The following RCAN1 variants were observed in gnomAD, a reference collection of about 807,000 sequenced individuals.
RCAN1 encodes regulator of calcineurin 1.
RCAN1 carries 11 observed loss-of-function variants against 22.9 expected under a neutral mutation model. That is an observed-to-expected ratio of 0.48 (90% CI 0.30 to 0.79). RCAN1 has a LOEUF of 0.79. RCAN1 is among the 30% of genes least tolerant of loss of function. RCAN1 has a pLI of 0.06. For missense variants in RCAN1, 291 were observed against 337.8 expected, an observed-to-expected ratio of 0.86 and a Z score of 1.09; for synonymous variants, 136 against 142.3, an observed-to-expected ratio of 0.96 and a Z score of 0.32.
chr21:34,556,551 T>C (rs967718222), intron 1 of RCAN1, among the ~76,000 whole-genome samples: 1 of 151,984 alleles, frequency 6.6e-6, no homozygotes, highest in African/African-American at 2.4e-5. Flanking sequence ...TTCATACAAG[T>C]TGAAAATATG....
At chr21:34,577,093 G>A (rs1987432870) in intron 1 of RCAN1, among the ~76,000 whole-genome samples, 1 of 152,202 alleles carries the variant, frequency 6.6e-6, no homozygotes, top group Non-Finnish European at 1.5e-5. Context: ...CCATCCTACG[G>A]TGCCCTGTGT....
chr21:34,565,070 G>A (rs1227524525), intron 1 of RCAN1, among the ~76,000 whole-genome samples: 1 of 151,998 alleles, frequency 6.6e-6, no homozygotes, highest in East Asian at 1.9e-4. Context: ...AAACCAGTCA[G>A]GCATGGTGGC....
At chr21:34,557,223 A>G (rs58706193) in intron 1 of RCAN1, among the ~76,000 whole-genome samples, 36,702 of 152,012 alleles carry the variant, frequency 0.24, 5,163 homozygotes, top group African/African-American at 0.39. Flanking sequence ...GAAAAATAAA[A>G]TAAAATTAAA....
chr21:34,544,465 C>T (rs898195233), intron 1 of RCAN1, among the ~76,000 whole-genome samples: 8 of 152,170 alleles, frequency 5.3e-5, no homozygotes, highest in East Asian at 1.9e-4. Flanking sequence ...AGGAGAGAAC[C>T]GGTTCCAGCC....
chr21:34,521,350 G>A (rs1209121708), intron 3 of RCAN1, 149 bp downstream of exon 3: 3 of 1,520,918 alleles, frequency 2.0e-6, no homozygotes, highest in Non-Finnish European at 1.8e-6. Context: ...CAGCACAAGG[G>A]ACGGTGGCGC....
intron 1 of RCAN1, among the ~76,000 whole-genome samples, chr21:34,528,879 C>G (rs1372748346): frequency 6.6e-6 from 1 of 151,880 alleles, no homozygotes; most frequent in Non-Finnish European, 1.5e-5. Flanking sequence ...GTGGGCAAAT[C>G]TCAAACATCT....
chr21:34,519,474 G>C (rs920135260), intron 3 of RCAN1, among the ~76,000 whole-genome samples: 1 of 139,234 alleles, frequency 7.2e-6, no homozygotes, highest in Non-Finnish European at 1.5e-5. Flanking sequence ...TCTCGGCTCA[G>C]TGCAACCTCC....
chr21:34,574,526 A>G (rs1987343699), intron 1 of RCAN1, among the ~76,000 whole-genome samples: 1 of 152,252 alleles, frequency 6.6e-6, no homozygotes, highest in Non-Finnish European at 1.5e-5. Flanking sequence ...GATCAGCCTC[A>G]GGTCCTGGGA....
intron 1 of RCAN1, among the ~76,000 whole-genome samples, chr21:34,535,401 C>CTT (rs35170628): frequency 0.26 from 37,950 of 146,266 alleles, 5,260 homozygotes; most frequent in African/African-American, 0.35. Context: ...AACACATAAC[C>CTT]TTTTTTTTTT....
intron 1 of RCAN1, among the ~76,000 whole-genome samples, chr21:34,579,090 A>G (rs952249764): frequency 3.3e-5 from 5 of 152,142 alleles, no homozygotes; most frequent in African/African-American, 1.2e-4. Context: ...TGCTTGGAAG[A>G]GTTGTTAAAA....
At chr21:34,519,767 C>A (rs1361273770) in intron 3 of RCAN1, among the ~76,000 whole-genome samples, 1 of 152,090 alleles carries the variant, frequency 6.6e-6, no homozygotes, top group Non-Finnish European at 1.5e-5. Flanking sequence ...GATTTCCGCC[C>A]GACAAGAGCG....
chr21:34,579,900 A>AT (rs1442239842), intron 1 of RCAN1, among the ~76,000 whole-genome samples: 1 of 152,080 alleles, frequency 6.6e-6, no homozygotes, highest in African/African-American at 2.4e-5. Flanking sequence ...GCAGAAGAAT[A>AT]TTTTTTTCTT....
At chr21:34,528,724 TTTCTC>T (rs1269671379) in intron 1 of RCAN1, among the ~76,000 whole-genome samples, 1 of 152,188 alleles carries the variant, frequency 6.6e-6, no homozygotes, top group African/African-American at 2.4e-5. Context: ...GTCTCCCCCT[TTTCTC>T]TTCTCCTGGC....
At chr21:34,607,097 G>T (rs1031519308) in intron 1 of RCAN1, among the ~76,000 whole-genome samples, 1 of 152,084 alleles carries the variant, frequency 6.6e-6, no homozygotes, top group Admixed American at 6.6e-5. Flanking sequence ...AATTTCATGC[G>T]GCACCTGCTG....
chr21:34,594,539 A>G (rs2123715631), intron 1 of RCAN1, among the ~76,000 whole-genome samples: 1 of 151,504 alleles, frequency 6.6e-6, no homozygotes, highest in South Asian at 2.1e-4. Flanking sequence ...CAACAGAGGG[A>G]GACTCCATCT....
At chr21:34,577,196 C>G (rs184839306) in intron 1 of RCAN1, among the ~76,000 whole-genome samples, 2 of 152,166 alleles carry the variant, frequency 1.3e-5, no homozygotes, top group South Asian at 4.1e-4. Flanking sequence ...AAATGAGAGG[C>G]CTTATTCACA....
chr21:34,613,887 G>GC, intron 1 of RCAN1: 1 of 1,384,806 alleles, frequency 7.2e-7, no homozygotes, highest in Non-Finnish European at 9.5e-7. Context: ...TGAAAGCACT[G>GC]CTTTTTTTGA....
intron 1 of RCAN1, among the ~76,000 whole-genome samples, chr21:34,533,629 G>C (rs1985532458): frequency 6.6e-6 from 1 of 152,102 alleles, no homozygotes; most frequent in African/African-American, 2.4e-5. Flanking sequence ...CGCCCTCTTG[G>C]AGCTTACATT....
intron 1 of RCAN1, among the ~76,000 whole-genome samples, chr21:34,612,635 G>A (rs1988713376): frequency 6.6e-6 from 1 of 152,228 alleles, no homozygotes; most frequent in African/African-American, 2.4e-5. Flanking sequence ...TGTCCTTTGA[G>A]TTCTGCCAAT....
Sources: gnomAD v4.1 joint callset for allele counts (sites outside exome capture counted in the v4.1 genomes callset) on GRCh38, gnomAD v4.1.1 for gene constraint, MANE v1.5 for transcripts, NCBI Gene and HGNC (gene_info 2026-07-23, HGNC 2026-07-21) for gene names.